CTNNA2: variants seen among roughly 807,000 people sequenced by gnomAD.
The protein encoded by CTNNA2 is catenin alpha-2.
Under a neutral mutation model 101.0 loss-of-function variants are expected in CTNNA2, and 42 were observed. That is an observed-to-expected ratio of 0.42 (90% CI 0.32 to 0.54). The LOEUF is 0.54. Among genes scored for constraint, CTNNA2 ranks in the 20% least tolerant of loss-of-function variants. The pLI is 0.14. For missense variants in CTNNA2, 871 were observed against 1,223.1 expected, an observed-to-expected ratio of 0.71 and a Z score of 4.29; for synonymous variants, 450 against 456.4, an observed-to-expected ratio of 0.99 and a Z score of 0.18.
chr2:80,244,702 C>T (rs899672180), intron 7 of CTNNA2, among the ~76,000 whole-genome samples: 5 of 152,116 alleles, frequency 3.3e-5, no homozygotes, highest in East Asian at 1.9e-4. Flanking sequence ...TTGCATCAAC[C>T]GAATACTTCT....
At chr2:80,095,217 T>G (rs150264533) in intron 7 of CTNNA2, among the ~76,000 whole-genome samples, 1,834 of 152,318 alleles carry the variant, frequency 0.012, 36 homozygotes, top group African/African-American at 0.041. Flanking sequence ...GCGTGAAGGT[T>G]GTTGAATTTT....
intron 3 of CTNNA2, among the ~76,000 whole-genome samples, chr2:79,326,958 G>T (rs1676761863): frequency 6.6e-6 from 1 of 152,084 alleles, no homozygotes; most frequent in Non-Finnish European, 1.5e-5. Flanking sequence ...TGGTGGCCTG[G>T]GCTCCCATCT....
intron 9 of CTNNA2, among the ~76,000 whole-genome samples, chr2:80,427,043 G>T (rs1033791708): frequency 6.6e-6 from 1 of 152,158 alleles, no homozygotes; most frequent in African/African-American, 2.4e-5. Context: ...CTTTAGGAAA[G>T]AGATCAGGTC....
chr2:79,981,654 G>A (rs7587097), intron 7 of CTNNA2, among the ~76,000 whole-genome samples: 28,084 of 151,878 alleles, frequency 0.18, 3,189 homozygotes, highest in Admixed American at 0.31. Context: ...TCATTCTTAT[G>A]GACCCTAGGA....
intron 2 of CTNNA2, among the ~76,000 whole-genome samples, chr2:79,725,665 CT>C (rs2104889111): frequency 6.6e-6 from 1 of 152,248 alleles, no homozygotes; most frequent in African/African-American, 2.4e-5. Context: ...TTGTCATTTC[CT>C]GTCCTCTTTT....
At chr2:79,234,124 C>A (rs1046701785) in intron 2 of CTNNA2, among the ~76,000 whole-genome samples, 1 of 151,256 alleles carries the variant, frequency 6.6e-6, no homozygotes. Context: ...GGTGTAGTTT[C>A]TTTTTATTGT....
intron 2 of CTNNA2, among the ~76,000 whole-genome samples, chr2:79,672,475 A>T (rs1400434465): frequency 6.6e-6 from 1 of 152,178 alleles, no homozygotes; most frequent in East Asian, 1.9e-4. Context: ...AATGCCATGA[A>T]AAAAGAAAAG....
chr2:79,915,313 AC>A (rs1325626919), intron 7 of CTNNA2, among the ~76,000 whole-genome samples: 2 of 31,552 alleles, frequency 6.3e-5, no homozygotes, highest in African/African-American at 3.4e-4. Flanking sequence ...ACAAACACAC[AC>A]ACACACACAC....
At chr2:79,769,162 C>T (rs1308003754) in intron 3 of CTNNA2, among the ~76,000 whole-genome samples, 1 of 152,132 alleles carries the variant, frequency 6.6e-6, no homozygotes, top group Non-Finnish European at 1.5e-5. Flanking sequence ...GCCTGTGTGA[C>T]TGTTCTTAAA....
At chr2:79,193,478 AC>A (rs1673902304) in intron 1 of CTNNA2, among the ~76,000 whole-genome samples, 1 of 152,206 alleles carries the variant, frequency 6.6e-6, no homozygotes, top group Non-Finnish European at 1.5e-5. Flanking sequence ...TATATCATGT[AC>A]CCAAAGTATG....
At position 79,390,917 on chromosome 2, in the gene CTNNA2, T is replaced by C. The variant is rs574205866; in HGVS notation, c.-135+16904T>C. On this transcript the variant is annotated intron_variant, in intron 4 of 21. Transcript: ENST00000466387. Reference sequence around the variant, plus strand: ...AATGAAAGAATGTGTGATTGATGCATTGATTGATTACTTAGTCAATGAAAA... The same window carrying C: ...AATGAAAGAATGTGTGATTGATGCACTGATTGATTACTTAGTCAATGAAAA... 3.3e-5 allele frequency among the ~76,000 whole-genome samples: 5 copies of C among 152,182 alleles called. No individual in the cohort carries two copies. The South Asian group carries it at 1.0e-3, about 32-fold the overall frequency.
chr2:80,398,212 A>G (rs1678212238), intron 8 of CTNNA2, among the ~76,000 whole-genome samples: 1 of 152,190 alleles, frequency 6.6e-6, no homozygotes, highest in Non-Finnish European at 1.5e-5. Flanking sequence ...GAGAATGTTA[A>G]GGCGTTCTAT....
intron 7 of CTNNA2, among the ~76,000 whole-genome samples, chr2:80,374,678 C>CGT (rs1337506974): frequency 0.015 from 2,201 of 143,142 alleles, 48 homozygotes; most frequent in African/African-American, 0.048. Context: ...TGCGTGCGTG[C>CGT]GTGCGTGTGT....
intron 7 of CTNNA2, among the ~76,000 whole-genome samples, chr2:80,170,288 T>G (rs1704972506): frequency 6.6e-6 from 1 of 151,760 alleles, no homozygotes; most frequent in African/African-American, 2.4e-5. Flanking sequence ...TATATCAAAG[T>G]GACAACTAGC....
intron 1 of CTNNA2, among the ~76,000 whole-genome samples, chr2:79,610,009 A>G (rs545999389): frequency 2.6e-5 from 4 of 152,144 alleles, no homozygotes; most frequent in Non-Finnish European, 5.9e-5. Context: ...CTGGAAGAAC[A>G]TCTTTGCAAA....
intron 4 of CTNNA2, among the ~76,000 whole-genome samples, chr2:79,427,443 CT>C (rs1343179274): frequency 1.3e-5 from 2 of 151,866 alleles, no homozygotes; most frequent in African/African-American, 4.8e-5. Context: ...ATTTTAATAA[CT>C]TTTAATAAGC....
At chr2:79,896,888 A>G (rs1006598991) in intron 6 of CTNNA2, among the ~76,000 whole-genome samples, 11 of 152,206 alleles carry the variant, frequency 7.2e-5, no homozygotes, top group Non-Finnish European at 1.5e-4. Context: ...ACGGTTACAC[A>G]TGAAGCATAC....
chr2:80,556,971 G>A (rs935925301), intron 12 of CTNNA2, among the ~76,000 whole-genome samples: 4 of 152,198 alleles, frequency 2.6e-5, no homozygotes, highest in African/African-American at 9.6e-5. Flanking sequence ...GATGAGATGT[G>A]TTGGTAGAAA....
chr2:80,031,243 A>AT (rs1176855050), intron 7 of CTNNA2, among the ~76,000 whole-genome samples: 1 of 152,238 alleles, frequency 6.6e-6, no homozygotes. Flanking sequence ...CAAAAAGTAT[A>AT]TAACACGTTA....
Sources: gnomAD v4.1 joint callset for allele counts (sites outside exome capture counted in the v4.1 genomes callset) on GRCh38, gnomAD v4.1.1 for gene constraint, MANE v1.5 for transcripts, NCBI Gene and HGNC (gene_info 2026-07-23, HGNC 2026-07-21) for gene names.